Variants in LRFN5 observed in about 807,000 individuals in gnomAD.
The protein encoded by LRFN5 is leucine rich repeat and fibronectin type III domain containing 5.
LRFN5 carries 24 observed loss-of-function variants against 45.6 expected under a neutral mutation model. That is an observed-to-expected ratio of 0.53 (90% CI 0.38 to 0.74). LRFN5 has a LOEUF of 0.74. LRFN5 is among the 30% of genes least tolerant of loss of function. The pLI is 0.00. For synonymous variants in LRFN5, 340 were observed against 313.8 expected (o/e 1.08, Z -0.88); for missense variants, 776 against 861.5 (o/e 0.90, Z 1.24).
At chr14:41,781,538 G>A (rs938838796) in intron 2 of LRFN5, among the ~76,000 whole-genome samples, 8 of 142,184 alleles carry the variant, frequency 5.6e-5, no homozygotes, top group Non-Finnish European at 7.6e-5. Flanking sequence ...GAAGAAGGAA[G>A]GAAGGAAGGA....
At chr14:41,688,061 G>A (rs1388212745) in intron 1 of LRFN5, among the ~76,000 whole-genome samples, 1 of 152,126 alleles carries the variant, frequency 6.6e-6, no homozygotes, top group African/African-American at 2.4e-5. Context: ...GGTAAACCAG[G>A]CACAAAAAGA....
intron 1 of LRFN5, among the ~76,000 whole-genome samples, chr14:41,734,024 C>CTTTTTTTTTTT (rs1241948731): frequency 2.6e-5 from 3 of 115,532 alleles, no homozygotes; most frequent in East Asian, 2.2e-4. Flanking sequence ...CTTTTCTTTT[C>CTTTTTTTTTTT]TTTTCTTTTT....
At chr14:41,610,753 G>C (rs923249787) in intron 1 of LRFN5, among the ~76,000 whole-genome samples, 1 of 138,220 alleles carries the variant, frequency 7.2e-6, no homozygotes, top group East Asian at 2.0e-4. Flanking sequence ...TTTAAAAAAG[G>C]ATTTTTTTCT....
intron 2 of LRFN5, among the ~76,000 whole-genome samples, chr14:41,787,857 A>C (rs1340229692): frequency 6.6e-6 from 1 of 151,990 alleles, no homozygotes; most frequent in Non-Finnish European, 1.5e-5. Context: ...ACTAACCCCT[A>C]GTGTCATGAT....
chr14:41,691,417 T>C (rs986944081), intron 1 of LRFN5, among the ~76,000 whole-genome samples: 2 of 152,108 alleles, frequency 1.3e-5, no homozygotes, highest in African/African-American at 4.8e-5. Flanking sequence ...TATTTCTAAC[T>C]CAACTTTACA....
Position 41,891,254 on chromosome 14 carries a change from A to G in LRFN5, c.1390A>G (p.Ile464Val). 1 of 1,612,670 alleles carries G rather than the reference A, an allele frequency of 6.2e-7. No individual in the cohort carries two copies. The highest frequency in any genetic ancestry group is 1.3e-5 in the African/African-American group (1 of 75,030). ...TYDDTLVYRMIPPTSKTFLVN... is the reference protein window; with the variant it reads ...TYDDTLVYRMVPPTSKTFLVN... Reference sequence around the variant, plus strand: ...ACAAATTCCATTGTCCCTCAGAATGATACCTCCTACGAGCAAAACTTTTCT... The same window carrying G: ...ACAAATTCCATTGTCCCTCAGAATGGTACCTCCTACGAGCAAAACTTTTCT... The change falls in exon 4 of 6, where the codon ATA becomes GTA. Residue 464 changes from isoleucine (I) to valine (V), a missense_variant. This residue lies in a region of LRFN5 where 465 missense variants were observed against 456.4 expected (regional missense o/e 1.02). Transcript: ENST00000298119.
intron 1 of LRFN5, among the ~76,000 whole-genome samples, chr14:41,752,949 G>A (rs1279538281): frequency 6.6e-6 from 1 of 152,150 alleles, no homozygotes; most frequent in Non-Finnish European, 1.5e-5. Context: ...TGTATAAGGT[G>A]TAAGGAAGGG....
At chr14:41,623,237 A>G (rs928068113) in intron 1 of LRFN5, among the ~76,000 whole-genome samples, 2 of 152,096 alleles carry the variant, frequency 1.3e-5, no homozygotes, top group African/African-American at 4.8e-5. Context: ...GTGGTGATAC[A>G]GTTAGACTTT....
intron 1 of LRFN5, among the ~76,000 whole-genome samples, chr14:41,741,709 CT>C (rs1884699906): frequency 1.3e-5 from 2 of 151,090 alleles, no homozygotes; most frequent in African/African-American, 4.8e-5. Context: ...TTGCATCTAA[CT>C]AAAAAGCTTT....
intron 2 of LRFN5, among the ~76,000 whole-genome samples, chr14:41,777,722 AGTGTAGGAT>A (rs1182274692): frequency 6.6e-5 from 10 of 151,758 alleles, no homozygotes; most frequent in Non-Finnish European, 1.3e-4. Context: ...TATTTGCCAT[AGTGTAGGAT>A]GTTTTCTTTA....
chr14:41,755,582 T>G (rs1885338848), intron 1 of LRFN5, among the ~76,000 whole-genome samples: 1 of 152,174 alleles, frequency 6.6e-6, no homozygotes, highest in African/African-American at 2.4e-5. Context: ...AGACTAGGAT[T>G]GCAACCCCTG....
chr14:41,782,717 A>G (rs557149685), intron 2 of LRFN5, among the ~76,000 whole-genome samples: 9 of 152,280 alleles, frequency 5.9e-5, no homozygotes, highest in Non-Finnish European at 4.4e-5. Flanking sequence ...TGAAGGTGCC[A>G]GAGGCTGTAA....
At chr14:41,844,390 T>TAG (rs2139061460) in intron 2 of LRFN5, among the ~76,000 whole-genome samples, 1 of 150,672 alleles carries the variant, frequency 6.6e-6, no homozygotes, top group African/African-American at 2.4e-5. Flanking sequence ...TGAGCGGAGA[T>TAG]CTTGCCACCA....
rs918424119 is a variant in LRFN5, at chr14:41,790,299, A to T, written c.-21+23270A>T. 3.8e-4 allele frequency among the ~76,000 whole-genome samples: 58 copies of T among 151,708 alleles called. 1 individual carries two copies. Among genetic ancestry groups the T allele is most frequent in the Admixed American group, 3.8e-3 (58 of 15,194 alleles). ...GGTAGTGTTCTCTTTTTCATTCTGG[A>T]TGGAATTCCTATTTGAGTCTTATTT... On this transcript the variant is annotated intron_variant, in intron 2 of 5. Coordinates refer to ENST00000298119, the MANE Select transcript of LRFN5 (RefSeq NM_152447.5).
chr14:41,750,647 G>A (rs1018291860), intron 1 of LRFN5, among the ~76,000 whole-genome samples: 2 of 152,066 alleles, frequency 1.3e-5, no homozygotes, highest in African/African-American at 4.8e-5. Flanking sequence ...TTTTCAAACT[G>A]CTGTAAGGAT....
At chr14:41,757,425 G>A (rs193153422) in intron 1 of LRFN5, among the ~76,000 whole-genome samples, 1,935 of 152,290 alleles carry the variant, frequency 0.013, 11 homozygotes, top group Middle Eastern at 0.034. Context: ...CTTCCTGGCC[G>A]CTTTGTTTAC....
At chr14:41,622,536 T>C (rs1218197118) in intron 1 of LRFN5, among the ~76,000 whole-genome samples, 3 of 152,120 alleles carry the variant, frequency 2.0e-5, no homozygotes, top group Non-Finnish European at 4.4e-5. Context: ...TCTCTATTAA[T>C]ATGCATACTA....
intron 1 of LRFN5, among the ~76,000 whole-genome samples, chr14:41,704,298 T>C (rs1882957385): frequency 6.6e-6 from 1 of 152,106 alleles, no homozygotes; most frequent in Admixed American, 6.5e-5. Flanking sequence ...TTTCTCTCTT[T>C]TCCCTGGCAT....
chr14:41,796,291 A>C (rs984035679), intron 2 of LRFN5, among the ~76,000 whole-genome samples: 5 of 152,108 alleles, frequency 3.3e-5, no homozygotes, highest in African/African-American at 1.2e-4. Flanking sequence ...AGCAGGAAAT[A>C]TATGTCATTC....
Sources: gnomAD v4.1 joint callset for allele counts (sites outside exome capture counted in the v4.1 genomes callset) on GRCh38, gnomAD v4.1.1 for gene constraint, gnomAD v4.1.1 regional missense constraint, MANE v1.5 for transcripts, NCBI Gene and HGNC (gene_info 2026-07-23, HGNC 2026-07-21) for gene names.